Variants in PCDHGB1 observed in about 807,000 individuals in gnomAD.
The protein encoded by PCDHGB1 is protocadherin gamma subfamily B, 1.
PCDHGB1 carries 34 observed loss-of-function variants against 56.6 expected under a neutral mutation model. That is an observed-to-expected ratio of 0.60 (90% confidence interval 0.46 to 0.80). The LOEUF (loss-of-function observed/expected upper bound fraction) is 0.80. PCDHGB1 is among the 30% of genes least tolerant of loss of function. PCDHGB1 has a pLI of 0.00. For missense variants in PCDHGB1, 1,278 were observed against 1,204.6 expected (o/e 1.06, Z -0.90); for synonymous variants, 561 against 505.9 (o/e 1.11, Z -1.46).
At chr5:141,412,938 T>C (rs2095590973) in intron 1 of PCDHGB1, 3 of 461,786 alleles carry the variant, frequency 6.5e-6, no homozygotes, top group Admixed American at 7.7e-5. Context: ...TTCTTAGGAC[T>C]CTGAGCGCCG....
chr5:141,377,417 G>A (rs1773959916), intron 1 of PCDHGB1: 1 of 152,028 alleles, frequency 6.6e-6, no homozygotes, highest in Non-Finnish European at 1.5e-5. Context: ...ACCAGCCTGG[G>A]TGACTCTGTC....
chr5:141,480,077 C>T (rs767048249), intron 1 of PCDHGB1, among the ~76,000 whole-genome samples: 2 of 152,142 alleles, frequency 1.3e-5, no homozygotes, highest in Non-Finnish European at 2.9e-5. Flanking sequence ...AAGATTCATG[C>T]ATGATATAAT....
chr5:141,383,502 C>A (rs1779190099), intron 1 of PCDHGB1: 1 of 1,613,004 alleles, frequency 6.2e-7, no homozygotes, highest in Admixed American at 1.7e-5. Context: ...GGGTGCTGGA[C>A]CGGGAGGAAG....
At chr5:141,415,284 G>A (rs186109113) in intron 1 of PCDHGB1, 27 of 1,614,198 alleles carry the variant, frequency 1.7e-5, no homozygotes, top group Non-Finnish European at 2.3e-5. Context: ...CGGTGGCCGC[G>A]GTCTCCTGCG....
At chr5:141,404,436 C>A in intron 1 of PCDHGB1, 1 of 1,612,704 alleles carries the variant, frequency 6.2e-7, no homozygotes, top group Non-Finnish European at 8.5e-7. Flanking sequence ...GCAGAGGATA[C>A]CATCCAAGGG....
chr5:141,394,427 G>A (rs748527281), intron 1 of PCDHGB1: 23 of 1,614,228 alleles, frequency 1.4e-5, no homozygotes, highest in Non-Finnish European at 1.6e-5. Flanking sequence ...GCGACAGCGG[G>A]GACCCGCCCC....
intron 2 of PCDHGB1, among the ~76,000 whole-genome samples, chr5:141,504,750 A>C (rs921495017): frequency 6.6e-6 from 1 of 151,894 alleles, no homozygotes; most frequent in Admixed American, 6.5e-5. Context: ...ATTGAATTTT[A>C]GAAATTTCTT....
At chr5:141,390,321 C>T (rs776100029) in intron 1 of PCDHGB1, 13 of 1,606,964 alleles carry the variant, frequency 8.1e-6, no homozygotes, top group Admixed American at 1.7e-5. Context: ...TCATTGCCTA[C>T]CCATTTCTCC....
chr5:141,465,950 A>G (rs570810183), intron 1 of PCDHGB1, among the ~76,000 whole-genome samples: 2 of 152,102 alleles, frequency 1.3e-5, no homozygotes, highest in African/African-American at 4.8e-5. Flanking sequence ...GTGAAACCCC[A>G]TCTCTACTAA....
chr5:141,381,826 C>CTTCTTTTTTTT (rs1777532522), intron 1 of PCDHGB1, among the ~76,000 whole-genome samples: 8 of 74,294 alleles, frequency 1.1e-4, no homozygotes, highest in African/African-American at 4.3e-4. Context: ...CTTTCTTCTT[C>CTTCTTTTTTTT]TTTTTTTTTT....
intron 1 of PCDHGB1, chr5:141,407,989 T>C: frequency 1.2e-6 from 1 of 833,618 alleles, no homozygotes; most frequent in Non-Finnish European, 1.8e-6. Context: ...TCCGTCAGCC[T>C]CTGGCCTGGG....
chr5:141,371,996 C>T, intron 1 of PCDHGB1: 1 of 1,613,272 alleles, frequency 6.2e-7, no homozygotes, highest in Non-Finnish European at 8.5e-7. Context: ...CTCTGCAGGC[C>T]CGCGACCAGG....
chr5:141,495,977 T>C (rs2099765025), intron 2 of PCDHGB1, among the ~76,000 whole-genome samples: 1 of 152,174 alleles, frequency 6.6e-6, no homozygotes, highest in Admixed American at 6.5e-5. Flanking sequence ...TCTGTTACTC[T>C]TTCTTTATCT....
chr5:141,405,419 T>C, intron 1 of PCDHGB1: 7 of 1,509,010 alleles, frequency 4.6e-6, no homozygotes, highest in Non-Finnish European at 5.4e-6. Flanking sequence ...TTTTTTGTTT[T>C]TTGTTTTGTT....
rs1048758308 is a variant in PCDHGB1 at position 141,498,931 on chromosome 5, A to T, written c.2468+4066A>T. Among the ~76,000 whole-genome samples the T allele has an allele frequency of 6.2e-4, 88 of 141,764 alleles. 1 individual carries two copies. Among genetic ancestry groups the T allele is most frequent in the Non-Finnish European group, 1.1e-3 (70 of 64,686 alleles). 93.0% of individuals were successfully genotyped at this position (141,764 alleles called of 152,430 possible). On this transcript the variant is annotated intron_variant, in intron 2 of 3. Coordinates refer to ENST00000523390, the MANE Select transcript of PCDHGB1 (RefSeq NM_018922.3). ...CTGGGTGACAGAGCGAGACTCCATC[A>T]GGAAAGAAAGAAAGAAAAAGAGAGA... is the stretch of plus-strand genomic sequence containing the variant.
rs1445450316 is a variant in PCDHGB1, at chr5:141,491,210, C to T, written c.2410-3597C>T. On this transcript the variant is annotated intron_variant, in intron 1 of 3. Coordinates refer to ENST00000523390, the MANE Select transcript of PCDHGB1 (RefSeq NM_018922.3). The surrounding 1 kb of genome is among the most constrained non-coding windows in gnomAD (Gnocchi z 6.9). ...AGGGACAATGGTGACCCTTCACTCT[C>T]CTCCACAGCCACAGTGCTGCTGGTT... The T allele has an allele frequency of 3.7e-6, 6 of 1,614,228 alleles. No homozygotes were observed. Among genetic ancestry groups the T allele is most frequent in the Non-Finnish European group, 3.4e-6 (4 of 1,180,032 alleles).
intron 1 of PCDHGB1, 84 bp from the exon 2 acceptor site, chr5:141,494,723 C>T: frequency 1.9e-6 from 3 of 1,606,114 alleles, no homozygotes; most frequent in Non-Finnish European, 2.6e-6. Flanking sequence ...TCCCCTCCTT[C>T]TCTCCCGGCC....
chr5:141,419,075 A>G, intron 1 of PCDHGB1: 1 of 1,613,968 alleles, frequency 6.2e-7, no homozygotes, highest in Non-Finnish European at 8.5e-7. Context: ...CAAGCTAGTA[A>G]CAGATGAGGC....
At position 141,381,820 on chromosome 5, in the gene PCDHGB1, C is replaced by CTTTCTTTCT. The variant is rs1279410534; in HGVS notation, c.2409+29153_2409+29154insTCTTTCTTT. On this transcript the variant is annotated intron_variant, in intron 1 of 3. Transcript: ENST00000523390. ...TCCCTCTTTCTTTCTTTCTTTCTTT[C>CTTTCTTTCT]TTCTTCTTTTTTTTTTTTTTTTTTT... is the stretch of plus-strand genomic sequence containing the variant. 4.1e-3 allele frequency among the ~76,000 whole-genome samples: 486 copies of CTTTCTTTCT among 119,674 alleles called. 3 individuals carry two copies. The highest frequency in any genetic ancestry group is 0.016 in the African/African-American group (465 of 29,196). The allele number at this position is 119,674 out of a possible 152,430, so 78.5% of individuals were successfully genotyped here.
Sources: gnomAD v4.1 joint callset for allele counts (sites outside exome capture counted in the v4.1 genomes callset) on GRCh38, gnomAD v4.1.1 for gene constraint, Gnocchi (gnomAD v3.1) non-coding constraint, MANE v1.5 for transcripts, NCBI Gene and HGNC (gene_info 2026-07-23, HGNC 2026-07-21) for gene names.